Variants in ST3GAL1 observed in about 807,000 individuals in gnomAD.
ST3GAL1 encodes ST3 beta-galactoside alpha-2,3-sialyltransferase 1.
ST3GAL1 carries 16 observed loss-of-function variants against 34.1 expected under a neutral mutation model. The ratio of observed to expected loss-of-function variants is 0.47; its 90% CI spans 0.32 to 0.71. ST3GAL1 has a LOEUF of 0.71. ST3GAL1 is among the 30% of genes least tolerant of loss of function. The pLI, the probability that ST3GAL1 is intolerant of heterozygous loss-of-function variation, is 0.04. For missense variants in ST3GAL1, 353 were observed against 447.4 expected, an observed-to-expected ratio of 0.79 and a Z score of 1.90; for synonymous variants, 191 against 184.7, an observed-to-expected ratio of 1.03 and a Z score of -0.28.
intron 2 of ST3GAL1, among the ~76,000 whole-genome samples, chr8:133,515,922 C>A (rs1482351790): frequency 6.6e-6 from 1 of 152,120 alleles, no homozygotes; most frequent in Admixed American, 6.5e-5. Context: ...GTGGTGCGAT[C>A]TCGGCTCACT....
intron 1 of ST3GAL1, among the ~76,000 whole-genome samples, chr8:133,560,592 C>T (rs899250014): frequency 1.3e-5 from 2 of 152,196 alleles, no homozygotes; most frequent in African/African-American, 4.8e-5. Flanking sequence ...CCAGAGGGCC[C>T]AGGTGGTCAC....
intron 2 of ST3GAL1, among the ~76,000 whole-genome samples, chr8:133,535,946 C>T (rs2131053886): frequency 6.6e-6 from 1 of 152,288 alleles, no homozygotes; most frequent in South Asian, 2.1e-4. Flanking sequence ...TACTGCAATC[C>T]TCACTTTATT....
chr8:133,469,251 C>T lies in ST3GAL1; in HGVS notation c.307-3161G>A, dbSNP rs757966836. On this transcript the variant is annotated intron_variant, in intron 5 of 9. Transcript: ENST00000522652. This position sits in a 1 kb window ranked among gnomAD's most constrained non-coding sequence, Gnocchi z 4.3. ...TGATTTGATTTGATATGGAGTCTCACTCTATCGCCCAGGCTGGAATGCAGT... is the reference window on the plus strand; with the variant it reads ...TGATTTGATTTGATATGGAGTCTCATTCTATCGCCCAGGCTGGAATGCAGT... Among the ~76,000 whole-genome samples the T allele has an allele frequency of 6.6e-6, 1 of 152,156 alleles. No individual in the cohort carries two copies. Among genetic ancestry groups the T allele is most frequent in the African/African-American group, 2.4e-5 (1 of 41,430 alleles).
chr8:133,499,625 A>T (rs1817083017), intron 2 of ST3GAL1, among the ~76,000 whole-genome samples: 1 of 152,172 alleles, frequency 6.6e-6, no homozygotes. Flanking sequence ...AAGTGAGAGG[A>T]TGGCACATCC....
chr8:133,462,600 G>A (rs921135151), intron 8 of ST3GAL1, among the ~76,000 whole-genome samples: 1 of 152,180 alleles, frequency 6.6e-6, no homozygotes, highest in African/African-American at 2.4e-5. Flanking sequence ...ACAACGAAAG[G>A]GAATTCTCAG....
At position 133,571,257 on chromosome 8, in the gene ST3GAL1, T is replaced by A. The variant is rs1819559775; in HGVS notation, c.-582+436A>T. ...GCCTGAGCCCGGCCACCCAGCGAGG[T>A]CTCCTCCCACGGGCGGCCCCAGCGG... On this transcript the variant is annotated intron_variant, in intron 1 of 9. Transcript: ENST00000522652. This position sits in a 1 kb window ranked among gnomAD's most constrained non-coding sequence, Gnocchi z 6.7. Among the ~76,000 whole-genome samples the A allele has an allele frequency of 6.6e-6, 1 of 151,756 alleles. No homozygotes were observed. The highest frequency in any genetic ancestry group is 2.1e-4 in the South Asian group (1 of 4,798).
intron 5 of ST3GAL1, among the ~76,000 whole-genome samples, chr8:133,470,776 G>C (rs1815922996): frequency 6.6e-6 from 1 of 152,142 alleles, no homozygotes; most frequent in South Asian, 2.1e-4. Context: ...TCGGGCAAGT[G>C]GGATAAGGAG....
intron 3 of ST3GAL1, among the ~76,000 whole-genome samples, chr8:133,495,486 C>T (rs72720216): frequency 0.13 from 19,899 of 152,174 alleles, 1,811 homozygotes; most frequent in East Asian, 0.52. Context: ...AATTGTTAGA[C>T]GTAGGATTCA....
chr8:133,547,786 G>T lies in ST3GAL1; in HGVS notation c.-581-1860C>A, dbSNP rs76413952. ...ACAACCACTGAGGTTTCTTTATACC[G>T]CTGGCAATGGTGATACATGAGGATA... On this transcript the variant is annotated intron_variant, in intron 1 of 9. Transcript: ENST00000522652. Among the ~76,000 whole-genome samples the T allele has an allele frequency of 3.3e-5, 5 of 152,134 alleles. No individual in the cohort carries two copies. The East Asian group carries it at 7.7e-4, about 23-fold the overall frequency.
At position 133,533,571 on chromosome 8, in the gene ST3GAL1, T is replaced by G. The variant is rs371798472; in HGVS notation, c.-429+12203A>C. ...TCCCTCCCAGCTCCCCATTCCTCCC[T>G]GACTTGCACTCTGTGCCCCATTGGA... is the stretch of plus-strand genomic sequence containing the variant. On this transcript the variant is annotated intron_variant, in intron 2 of 9. Transcript: ENST00000522652. Among the ~76,000 whole-genome samples, 5 of 152,330 alleles carry G rather than the reference T, an allele frequency of 3.3e-5. No individual in the cohort carries two copies. The South Asian group carries it at 1.0e-3, about 32-fold the overall frequency.
chr8:133,497,266 T>C (rs1215835554), intron 3 of ST3GAL1, among the ~76,000 whole-genome samples: 1 of 152,190 alleles, frequency 6.6e-6, no homozygotes, highest in East Asian at 1.9e-4. Context: ...CCTGACACAG[T>C]GGACTGCAGT....
rs950670164 is a variant in ST3GAL1 at position 133,461,008 on chromosome 8, C to T, written c.849+867G>A. Among the ~76,000 whole-genome samples the T allele has an allele frequency of 2.0e-5, 3 of 151,930 alleles. No individual in the cohort carries two copies. Among genetic ancestry groups the T allele is most frequent in the East Asian group, 1.9e-4 (1 of 5,166 alleles). ...GAACGTTAGGGCCAAATCGGTGGGA[C>T]GATGGGAGAAAGGGCTCTTGAGCAG... is the stretch of plus-strand genomic sequence containing the variant. On this transcript the variant is annotated intron_variant, in intron 9 of 9. Coordinates refer to ENST00000522652, the MANE Select transcript of ST3GAL1 (RefSeq NM_173344.3). The surrounding 1 kb of genome is among the most constrained non-coding windows in gnomAD (Gnocchi z 4.7).
chr8:133,510,626 C>T (rs1280652365), intron 2 of ST3GAL1, among the ~76,000 whole-genome samples: 1 of 151,968 alleles, frequency 6.6e-6, no homozygotes, highest in Non-Finnish European at 1.5e-5. Flanking sequence ...CTAATTAGTG[C>T]CACTAATTAA....
chr8:133,542,904 A>G (rs1818574222), intron 2 of ST3GAL1, among the ~76,000 whole-genome samples: 1 of 152,236 alleles, frequency 6.6e-6, no homozygotes, highest in Non-Finnish European at 1.5e-5. Flanking sequence ...AACTATGATA[A>G]TAATAAATCT....
chr8:133,520,169 G>T (rs546539403), intron 2 of ST3GAL1, among the ~76,000 whole-genome samples: 8 of 152,298 alleles, frequency 5.3e-5, no homozygotes, highest in African/African-American at 1.9e-4. Context: ...GAAGGGAGCT[G>T]AAATTCTAGG....
At chr8:133,499,009 A>G (rs1229125633) in intron 3 of ST3GAL1, 126 bp downstream of exon 3, 1 of 152,274 alleles carries the variant, frequency 6.6e-6, no homozygotes, top group Non-Finnish European at 1.5e-5. Flanking sequence ...AATCTGTGTG[A>G]GTACCATCAA....
chr8:133,498,596 T>A (rs916749657), intron 3 of ST3GAL1, among the ~76,000 whole-genome samples: 1 of 152,118 alleles, frequency 6.6e-6, no homozygotes, highest in Non-Finnish European at 1.5e-5. Context: ...GCCCACAGAC[T>A]TCCTTTGGCT....
intron 5 of ST3GAL1, among the ~76,000 whole-genome samples, chr8:133,470,224 AG>A (rs1208980171): frequency 6.6e-6 from 1 of 152,190 alleles, no homozygotes; most frequent in Non-Finnish European, 1.5e-5. Context: ...GTTTGAGACC[AG>A]CCTGACCAAC....
chr8:133,465,870 C>T, intron 6 of ST3GAL1, 24 bp downstream of exon 6: 1 of 1,606,460 alleles, frequency 6.2e-7, no homozygotes. Flanking sequence ...GCACGGTAGG[C>T]TTGGGAGAGG....
Sources: allele counts gnomAD v4.1 joint callset (sites outside exome capture counted in the v4.1 genomes callset), GRCh38; gene constraint gnomAD v4.1.1; non-coding constraint Gnocchi (gnomAD v3.1); transcripts MANE v1.5; gene names NCBI Gene and HGNC (gene_info 2026-07-23, HGNC 2026-07-21).